COLEC10: variants seen among roughly 807,000 people sequenced by gnomAD.
The protein encoded by COLEC10 is collectin-10.
A neutral mutation model predicts 28.4 loss-of-function variants in COLEC10; 22 were observed. That is an observed-to-expected ratio of 0.78 (90% CI 0.55 to 1.11). The LOEUF is 1.11. COLEC10 is among the 50% of genes least tolerant of loss of function. COLEC10 has a pLI of 0.00. For missense variants in COLEC10, 361 were observed against 344.1 expected, an observed-to-expected ratio of 1.05 and a Z score of -0.39; for synonymous variants, 125 against 116.1, an observed-to-expected ratio of 1.08 and a Z score of -0.49.
At chr8:119,014,231 T>C (rs1205644945) in intron 2 of COLEC10, among the ~76,000 whole-genome samples, 1 of 150,762 alleles carries the variant, frequency 6.6e-6, no homozygotes, top group Non-Finnish European at 1.5e-5. Flanking sequence ...AGAATTTCTT[T>C]TAACATTTCT....
upstream of COLEC10, among the ~76,000 whole-genome samples, chr8:119,064,811 T>C (rs1027689103): frequency 1.3e-5 from 2 of 152,124 alleles, no homozygotes; most frequent in African/African-American, 2.4e-5. Context: ...TTTTTTTTTT[T>C]GGTCACTTTT....
At position 119,025,164 on chromosome 8, in the gene COLEC10, T is replaced by C. The variant is rs376995944; in HGVS notation, n.235+15611T>C. Among the ~76,000 whole-genome samples, 14 of 152,302 alleles carry C rather than the reference T, an allele frequency of 9.2e-5. 1 individual carries two copies. Among genetic ancestry groups the C allele is most frequent in the African/African-American group, 3.1e-4 (13 of 41,570 alleles). ...AATGTTGAAATTGACTGCAAGTTCATGCATTTGATCTTTGCTTTCTAAAAC... is the reference window on the plus strand; with the variant it reads ...AATGTTGAAATTGACTGCAAGTTCACGCATTTGATCTTTGCTTTCTAAAAC... On this transcript the variant is annotated intron_variant and non_coding_transcript_variant, in intron 2 of 6. Coordinates refer to the COLEC10 transcript ENST00000521788.
chr8:118,993,423 C>T (rs541048143), upstream of COLEC10, among the ~76,000 whole-genome samples: 5 of 152,244 alleles, frequency 3.3e-5, no homozygotes, highest in African/African-American at 9.6e-5. Context: ...AGCTCCATCT[C>T]GGCTCACTGC....
the COLEC10 span, among the ~76,000 whole-genome samples, chr8:118,974,042 C>T: frequency 6.6e-6 from 1 of 151,832 alleles, no homozygotes; most frequent in Non-Finnish European, 1.5e-5. Context: ...GCCCCATGTA[C>T]ATTTATGGTC....
intron 2 of COLEC10, among the ~76,000 whole-genome samples, chr8:119,024,659 T>C (rs895340181): frequency 4.6e-5 from 7 of 152,096 alleles, no homozygotes; most frequent in Non-Finnish European, 8.8e-5. Flanking sequence ...GGACCCTTCA[T>C]TGAATGTTCA....
intron 2 of COLEC10, among the ~76,000 whole-genome samples, chr8:119,056,996 C>A (rs190617885): frequency 6.6e-6 from 1 of 152,120 alleles, no homozygotes; most frequent in Admixed American, 6.6e-5. Context: ...GAATATTCTT[C>A]TTTTATTCCT....
At chr8:119,041,052 A>G (rs1452729838) in intron 2 of COLEC10, among the ~76,000 whole-genome samples, 1 of 152,174 alleles carries the variant, frequency 6.6e-6, no homozygotes, top group Non-Finnish European at 1.5e-5. Flanking sequence ...GTGTGCCTGG[A>G]CATAACTTGG....
chr8:119,072,765 G>A (rs991071406), intron 1 of COLEC10, among the ~76,000 whole-genome samples: 4 of 152,114 alleles, frequency 2.6e-5, no homozygotes, highest in Non-Finnish European at 5.9e-5. Context: ...AGCTCTGCCC[G>A]GTTGCTGCTC....
intron 1 of COLEC10, among the ~76,000 whole-genome samples, chr8:119,007,477 C>A (rs1385716730): frequency 3.4e-5 from 5 of 146,036 alleles, no homozygotes; most frequent in Non-Finnish European, 7.4e-5. Context: ...TGGGATTTAC[C>A]CATTTTGGTT....
chr8:119,040,601 A>G (rs1293555372), intron 2 of COLEC10, among the ~76,000 whole-genome samples: 1 of 152,220 alleles, frequency 6.6e-6, no homozygotes, highest in African/African-American at 2.4e-5. Context: ...GAAATCCATA[A>G]TGAAACTATC....
chr8:119,082,226 G>A (rs1318663842), intron 1 of COLEC10, among the ~76,000 whole-genome samples: 1 of 152,182 alleles, frequency 6.6e-6, no homozygotes, highest in African/African-American at 2.4e-5. Context: ...AGGCAGTGGT[G>A]TGTGTATTTG....
intron 2 of COLEC10, among the ~76,000 whole-genome samples, chr8:119,019,012 A>T (rs1463609550): frequency 1.3e-5 from 2 of 152,110 alleles, no homozygotes; most frequent in African/African-American, 4.8e-5. Context: ...AAAGCTATAA[A>T]ATTCTAAGAA....
At chr8:119,036,225 A>G (rs1485463264) in intron 2 of COLEC10, among the ~76,000 whole-genome samples, 2 of 152,218 alleles carry the variant, frequency 1.3e-5, no homozygotes, top group Non-Finnish European at 1.5e-5. Context: ...AACAAATTTT[A>G]TGTACAGACT....
chr8:119,077,965 C>T (rs942737480), intron 1 of COLEC10, among the ~76,000 whole-genome samples: 3 of 152,128 alleles, frequency 2.0e-5, no homozygotes, highest in African/African-American at 7.2e-5. Context: ...GTGAGGGCCT[C>T]AGGAAATATA....
At chr8:119,041,571 T>C (rs1747316276) in intron 2 of COLEC10, among the ~76,000 whole-genome samples, 2 of 152,294 alleles carry the variant, frequency 1.3e-5, no homozygotes, top group South Asian at 4.1e-4. Context: ...ACTTGAATTT[T>C]TTGCACCTCA....
chr8:119,077,862 A>G (rs751935263), intron 1 of COLEC10, among the ~76,000 whole-genome samples: 7 of 152,258 alleles, frequency 4.6e-5, no homozygotes, highest in Non-Finnish European at 1.0e-4. Context: ...ATATGAAGGA[A>G]TACCTTAAAC....
At chr8:118,977,491 A>C in the COLEC10 span, among the ~76,000 whole-genome samples, 92 of 146,024 alleles carry the variant, frequency 6.3e-4, no homozygotes, top group South Asian at 2.9e-3. Flanking sequence ...TCAGTAAACT[A>C]TCGCAAGAAC....
the COLEC10 span, among the ~76,000 whole-genome samples, chr8:118,959,900 T>C: frequency 1.3e-5 from 2 of 152,190 alleles, no homozygotes; most frequent in South Asian, 2.1e-4. Context: ...TTTAAAAAGC[T>C]TCAGTAAAGA....
At chr8:119,030,148 G>A (rs369640635) in intron 2 of COLEC10, among the ~76,000 whole-genome samples, 43 of 152,122 alleles carry the variant, frequency 2.8e-4, no homozygotes, top group Admixed American at 4.6e-4. Flanking sequence ...AAGCCACGTG[G>A]TTGGGTACTA....
Sources: allele counts gnomAD v4.1 joint callset (sites outside exome capture counted in the v4.1 genomes callset), GRCh38; gene constraint gnomAD v4.1.1; transcripts MANE v1.5; gene names NCBI Gene and HGNC (gene_info 2026-07-23, HGNC 2026-07-21).